The following PLSCR2 variants were observed in gnomAD, a reference collection of about 807,000 sequenced individuals.
PLSCR2 encodes PL scramblase 2.
A neutral mutation model predicts 25.3 loss-of-function variants in PLSCR2; 18 were observed. The observed-to-expected ratio is 0.71, with a 90% CI of 0.49 to 1.06. PLSCR2 has a LOEUF of 1.06. PLSCR2 is among the 50% of genes least tolerant of loss of function. The pLI is 0.00. For missense variants in PLSCR2, 243 were observed against 269.5 expected, an observed-to-expected ratio of 0.90 and a Z score of 0.69; for synonymous variants, 88 against 87.3, an observed-to-expected ratio of 1.01 and a Z score of -0.04.
intron 1 of PLSCR2, among the ~76,000 whole-genome samples, chr3:146,491,442 A>G (rs1272681200): frequency 6.6e-6 from 1 of 152,070 alleles, no homozygotes; most frequent in Non-Finnish European, 1.5e-5. Context: ...AATATCTTCA[A>G]CAATGTTTTC....
At chr3:146,424,296 C>T (rs1009208630) in intron 2 of PLSCR2, among the ~76,000 whole-genome samples, 4 of 151,992 alleles carry the variant, frequency 2.6e-5, no homozygotes, top group African/African-American at 7.2e-5. Context: ...TATGAAGACA[C>T]TAACCCTTTG....
At chr3:146,411,886 C>T (rs2038865935) in intron 2 of PLSCR2, among the ~76,000 whole-genome samples, 1 of 150,734 alleles carries the variant, frequency 6.6e-6, no homozygotes, top group African/African-American at 2.5e-5. Context: ...AGACTCAGGG[C>T]TTTGGGTGTT....
chr3:146,476,182 T>G (rs1193166132), intron 1 of PLSCR2, among the ~76,000 whole-genome samples: 6 of 151,366 alleles, frequency 4.0e-5, no homozygotes, highest in African/African-American at 9.7e-5. Flanking sequence ...AATCCTGCAC[T>G]GGGAACCGAG....
At chr3:146,480,933 G>A (rs1291848319) in intron 1 of PLSCR2, among the ~76,000 whole-genome samples, 2 of 152,014 alleles carry the variant, frequency 1.3e-5, no homozygotes, top group Non-Finnish European at 2.9e-5. Context: ...TTCAACATAT[G>A]CAAATCAATA....
rs570687700 is a variant in PLSCR2 at position 146,483,442 on chromosome 3, T to C, written c.-293+12453A>G. On this transcript the variant is annotated intron_variant, in intron 1 of 8. Transcript: ENST00000336685. ...AACTTAAACTTAATATATATATATATACACATGTATGTATATATATATATA... is the reference window on the plus strand; with the variant it reads ...AACTTAAACTTAATATATATATATACACACATGTATGTATATATATATATA... Among the ~76,000 whole-genome samples, 88 of 64,286 alleles carry C rather than the reference T, an allele frequency of 1.4e-3. 5 individuals are homozygous for C. The highest frequency in any genetic ancestry group is 4.8e-3 in the African/African-American group (72 of 14,978). The allele number at this position is 64,286 out of a possible 152,430, so 42.2% of individuals were successfully genotyped here. A position where few individuals can be genotyped will look rare whatever the true frequency, so the allele number is the denominator to read the frequency against.
chr3:146,430,853 C>T (rs2039521887), downstream of PLSCR2, among the ~76,000 whole-genome samples: 1 of 151,690 alleles, frequency 6.6e-6, no homozygotes, highest in South Asian at 2.1e-4. Context: ...CCCCACTGAT[C>T]CATGTGCCCA....
intron 8 of PLSCR2, among the ~76,000 whole-genome samples, chr3:146,436,556 C>T (rs1213436877): frequency 6.6e-6 from 1 of 152,108 alleles, no homozygotes; most frequent in Admixed American, 6.5e-5. Context: ...GGAGTTCACT[C>T]ATGATTTGGC....
At chr3:146,476,997 A>G (rs984405764) in intron 1 of PLSCR2, among the ~76,000 whole-genome samples, 1 of 152,220 alleles carries the variant, frequency 6.6e-6, no homozygotes, top group African/African-American at 2.4e-5. Context: ...CTGTTGGACC[A>G]AGGGACAGCC....
chr3:146,469,814 C>T (rs944182741), intron 1 of PLSCR2, among the ~76,000 whole-genome samples: 1 of 151,266 alleles, frequency 6.6e-6, no homozygotes, highest in Non-Finnish European at 1.5e-5. Flanking sequence ...GCAGCTGCCG[C>T]CCAGCCCGTC....
At chr3:146,454,576 C>T (rs1000904756) in intron 4 of PLSCR2, among the ~76,000 whole-genome samples, 9 of 152,114 alleles carry the variant, frequency 5.9e-5, no homozygotes, top group African/African-American at 2.2e-4. Context: ...GGTGTTGCGC[C>T]AATGGGATCC....
intron 1 of PLSCR2, chr3:146,469,555 C>T: frequency 2.0e-6 from 2 of 985,460 alleles, no homozygotes; most frequent in Admixed American, 6.1e-5. Context: ...GTGGCTTCCT[C>T]CCGTCTGCCC....
At chr3:146,491,570 G>A (rs1231194591) in intron 1 of PLSCR2, among the ~76,000 whole-genome samples, 1 of 151,980 alleles carries the variant, frequency 6.6e-6, no homozygotes, top group East Asian at 1.9e-4. Context: ...ATTAAATTTT[G>A]TCTGCCTGCA....
downstream of PLSCR2, chr3:146,441,689 A>G: frequency 1.3e-6 from 1 of 770,154 alleles, no homozygotes; most frequent in South Asian, 1.7e-5. Flanking sequence ...AAGAAAAGAA[A>G]AAAACACTGA....
At chr3:146,441,963 T>G (rs1160013681) in intron 6 of PLSCR2, 142 bp from the exon 7 acceptor site, 11 of 555,046 alleles carry the variant, frequency 2.0e-5, no homozygotes, top group Non-Finnish European at 3.5e-5. Context: ...GTGAGAAAAG[T>G]CTACAGGTAT....
At chr3:146,402,275 A>C (rs2038499070) in intron 2 of PLSCR2, among the ~76,000 whole-genome samples, 1 of 152,174 alleles carries the variant, frequency 6.6e-6, no homozygotes, top group Non-Finnish European at 1.5e-5. Context: ...AAGTGACTAA[A>C]TATGAAAAAT....
chr3:146,419,982 A>G (rs2039096132), intron 2 of PLSCR2, among the ~76,000 whole-genome samples: 1 of 152,112 alleles, frequency 6.6e-6, no homozygotes, highest in Non-Finnish European at 1.5e-5. Flanking sequence ...CAATCACATT[A>G]TGGCTACTGT....
chr3:146,435,764 C>G (rs1248898361), intron 8 of PLSCR2, among the ~76,000 whole-genome samples: 1 of 152,110 alleles, frequency 6.6e-6, no homozygotes, highest in Non-Finnish European at 1.5e-5. Flanking sequence ...TGTGCAGAAG[C>G]TCTTTAGTTT....
At chr3:146,452,919 A>T (rs376371167) in intron 5 of PLSCR2, among the ~76,000 whole-genome samples, 2 of 152,082 alleles carry the variant, frequency 1.3e-5, no homozygotes. Context: ...ACACATGTGT[A>T]TATATCCAAT....
downstream of PLSCR2, among the ~76,000 whole-genome samples, chr3:146,438,812 T>C (rs1469694000): frequency 1.3e-5 from 2 of 152,188 alleles, no homozygotes; most frequent in Non-Finnish European, 2.9e-5. Flanking sequence ...TTTGAACCTG[T>C]CATTATGATG....
Sources: allele counts gnomAD v4.1 joint callset (sites outside exome capture counted in the v4.1 genomes callset), GRCh38; gene constraint gnomAD v4.1.1; transcripts MANE v1.5; gene names NCBI Gene and HGNC (gene_info 2026-07-23, HGNC 2026-07-21).